SDF4: variants seen among roughly 807,000 people sequenced by gnomAD.
The protein encoded by SDF4 is stromal cell derived factor 4, also known as 45 kDa calcium-binding protein.
Under a neutral mutation model 34.2 loss-of-function variants are expected in SDF4, and 22 were observed. The observed-to-expected ratio is 0.64, with a 90% CI of 0.46 to 0.92. SDF4 has a LOEUF of 0.92. SDF4 is among the 40% of genes least tolerant of loss of function. SDF4 has a pLI of 0.00. For synonymous variants in SDF4, 236 were observed against 203.1 expected, an observed-to-expected ratio of 1.16 and a Z score of -1.38; for missense variants, 447 against 499.9, an observed-to-expected ratio of 0.89 and a Z score of 1.01.
At chr1:1,219,619 C>G (rs1649793231) in intron 4 of SDF4, 2 of 986,802 alleles carry the variant, frequency 2.0e-6, no homozygotes, top group Non-Finnish European at 2.4e-6. Flanking sequence ...GGCACTGCCT[C>G]TGGGTGTGTG....
At position 1,223,832 on chromosome 1, in the gene SDF4, C is replaced by T. The variant is rs150155107; in HGVS notation, c.442G>A (p.Gly148Ser). ...HFRAVDPDGD[G>S]HVSWDEYKVK... ...ACCCACCCCGGCCCAGCCACAGTAC[C>T]GTCCCCGTCAGGGTCCACGGCGCGG... is the stretch of plus-strand genomic sequence containing the variant. The change falls in exon 3 of 7, where the codon GGT becomes AGT. Residue 148 changes from glycine to serine, a missense_variant and splice_region_variant. Gly to Ser is a moderately conservative substitution (Grantham distance 56). Transcript: ENST00000360001. 1.0e-5 allele frequency: 15 copies of T among 1,465,960 alleles called. No individual in the cohort carries two copies. Among genetic ancestry groups the T allele is most frequent in the African/African-American group, 7.1e-5 (5 of 70,344 alleles). The allele number at this position is 1,465,960 out of a possible 1,614,324, so 90.8% of individuals were successfully genotyped here.
At position 1,218,591 on chromosome 1, in the gene SDF4, G is replaced by A; in HGVS notation, c.758C>T (p.Ser253Phe). ...DKQLSVPEFISLPVGTVENQQ... is the reference protein window; with the variant it reads ...DKQLSVPEFIFLPVGTVENQQ... ...GTTCTCCACGGTGCCCACGGGCAGG[G>A]AGATGAACTCGGGCACAGAGAGCTG... The change falls in exon 6 of 7, where the codon TCC (serine) becomes TTC (phenylalanine). Residue 253 changes from serine (S) to phenylalanine (F), a missense_variant. Coordinates refer to ENST00000360001, the MANE Select transcript of SDF4 (RefSeq NM_016176.6). The surrounding 1 kb of genome is among the most constrained non-coding windows in gnomAD (Gnocchi z 7.9). 1.2e-6 allele frequency: 2 copies of A among 1,614,096 alleles called. No individual in the cohort carries two copies. Among genetic ancestry groups the A allele is most frequent in the Non-Finnish European group, 1.7e-6 (2 of 1,179,952 alleles).
At chr1:1,228,969 C>G (rs1284700666) in intron 1 of SDF4, 23 bp from the exon 2 acceptor site, 11 of 593,718 alleles carry the variant, frequency 1.9e-5, no homozygotes, top group Admixed American at 9.0e-5. Context: ...ACAGACACAT[C>G]ATTAGCAAGA....
chr1:1,218,376 G>A lies in SDF4; in HGVS notation c.891+82C>T, dbSNP rs1027747980. The A allele has an allele frequency of 8.9e-5, 129 of 1,455,802 alleles. No individual in the cohort carries two copies. The highest frequency in any genetic ancestry group is 1.1e-4 in the Non-Finnish European group (122 of 1,076,318). The allele number at this position is 1,455,802 out of a possible 1,614,324, so 90.2% of individuals were successfully genotyped here. A position where few individuals can be genotyped will look rare whatever the true frequency, so the allele number is the denominator to read the frequency against. ...AGGCCAGACACCAGCACAGCTTCCTGCCTCAGGCCCAGATCCACCAGCCCC... is the reference window on the plus strand; with the variant it reads ...AGGCCAGACACCAGCACAGCTTCCTACCTCAGGCCCAGATCCACCAGCCCC... On this transcript the variant is annotated intron_variant, in intron 6 of 6. Transcript: ENST00000360001. This position sits in a 1 kb window ranked among gnomAD's most constrained non-coding sequence, Gnocchi z 7.9.
chr1:1,218,546 T>C lies in SDF4; in HGVS notation c.803A>G (p.Asp268Gly), dbSNP rs1464583243. 8 of 1,614,032 alleles carry C rather than the reference T, an allele frequency of 5.0e-6. No individual in the cohort carries two copies. The highest frequency in any genetic ancestry group is 1.3e-5 in the African/African-American group (1 of 75,032). Residue 268 changes from aspartate (D) to glycine (G), a missense_variant, in exon 6 of 7, where the codon GAC becomes GGC. By Grantham distance (94) the Asp-to-Gly change is moderately conservative. Coordinates refer to ENST00000360001, the MANE Select transcript of SDF4 (RefSeq NM_016176.6). The surrounding 1 kb of genome is among the most constrained non-coding windows in gnomAD (Gnocchi z 7.9). The stretch of plus-strand genomic sequence containing the variant: ...TTTTCTGTCTTTCACCCAGTTGTCG[T>C]CAATGTCCTGGCCCTGCTGGTTCTC... ...TVENQQGQDI[D>G]DNWVKDRKKE... is the part of the protein sequence containing the mutation.
Position 1,219,399 on chromosome 1 carries a change from T to G in SDF4, c.557-472A>C, listed in dbSNP as rs532987774. The G allele has an allele frequency of 6.6e-4, 680 of 1,026,038 alleles. 5 individuals are homozygous for G. The African/African-American group carries it at 0.011, about 17-fold the overall frequency. 63.6% of individuals were successfully genotyped at this position (1,026,038 alleles called of 1,614,324 possible). ...TGCCTGGGACCCCTCAGGATGGGCC[T>G]GGGCCCCACCCCCCACACCCGCGCC... On this transcript the variant is annotated intron_variant, in intron 4 of 6. Transcript: ENST00000360001.
chr1:1,220,456 G>C (rs186565010), intron 4 of SDF4: 1 of 1,187,778 alleles, frequency 8.4e-7, no homozygotes, highest in South Asian at 1.6e-5. Flanking sequence ...CAGGAGTGAC[G>C]CCTGCCAGCG....
intron 2 of SDF4, 45 bp from the exon 3 acceptor site, chr1:1,224,013 A>C (rs1259791851): frequency 1.2e-6 from 2 of 1,602,036 alleles, no homozygotes; most frequent in Non-Finnish European, 1.7e-6. Context: ...CTGGGCCCCC[A>C]GGACCCCGAA....
intron 4 of SDF4, among the ~76,000 whole-genome samples, chr1:1,222,913 C>G (rs2100975363): frequency 6.6e-6 from 1 of 152,386 alleles, no homozygotes; most frequent in East Asian, 1.9e-4. Flanking sequence ...ACATGAACAG[C>G]TACCTGGATG....
chr1:1,219,267 C>T (rs1158553306), intron 4 of SDF4: 4 of 1,184,644 alleles, frequency 3.4e-6, no homozygotes, highest in Non-Finnish European at 3.2e-6. Context: ...ACAGCCCAGA[C>T]CCCCAGGACA....
Position 1,228,467 on chromosome 1 carries a change from C to T in SDF4, c.305+1G>A. 2 of 1,599,576 alleles carry T rather than the reference C, an allele frequency of 1.3e-6. No homozygotes were observed. The highest frequency in any genetic ancestry group is 8.5e-7 in the Non-Finnish European group (1 of 1,171,348). On this transcript the variant is annotated splice_donor_variant, in intron 2 of 6. Coordinates refer to ENST00000360001, the MANE Select transcript of SDF4 (RefSeq NM_016176.6). LOFTEE classifies it high-confidence loss of function. The stretch of plus-strand genomic sequence containing the variant: ...CAGTCTGGGCACATGGCGGCACCTA[C>T]TTGGAAAAGATGACCATCAGCTTCC...
rs199546495 is a variant in SDF4, at chr1:1,218,781, C to T, written c.703G>A (p.Val235Ile). The T allele has an allele frequency of 4.4e-5, 71 of 1,612,188 alleles. No individual in the cohort carries two copies. Among genetic ancestry groups the T allele is most frequent in the South Asian group, 2.4e-4 (22 of 91,036 alleles). Reference protein sequence around the residue: ...GMLRFMVKEIVRDLDQDGDKQ... With the variant: ...GMLRFMVKEIIRDLDQDGDKQ... ...GACCCAGCCTCACCCAGGTCCCGGA[C>T]GATCTCCTTCACCATGAACCTGAGC... Residue 235 changes from valine (V) to isoleucine (I), a missense_variant, in exon 5 of 7, where the codon GTC becomes ATC. By Grantham distance (29) the Val-to-Ile change is conservative. Coordinates refer to ENST00000360001, the MANE Select transcript of SDF4 (RefSeq NM_016176.6). The surrounding 1 kb of genome is among the most constrained non-coding windows in gnomAD (Gnocchi z 7.9).
At position 1,218,588 on chromosome 1, in the gene SDF4, A is replaced by T; in HGVS notation, c.761T>A (p.Leu254Gln). ...CTGGTTCTCCACGGTGCCCACGGGCAGGGAGATGAACTCGGGCACAGAGAG... is the reference window on the plus strand; with the variant it reads ...CTGGTTCTCCACGGTGCCCACGGGCTGGGAGATGAACTCGGGCACAGAGAG... ...KQLSVPEFIS[L>Q]PVGTVENQQG... is the part of the protein sequence containing the mutation. The change falls in exon 6 of 7, where the codon CTG (leucine) becomes CAG (glutamine). Residue 254 changes from leucine to glutamine, a missense_variant. Coordinates refer to ENST00000360001, the MANE Select transcript of SDF4 (RefSeq NM_016176.6). This position sits in a 1 kb window ranked among gnomAD's most constrained non-coding sequence, Gnocchi z 7.9. The T allele has an allele frequency of 2.5e-6, 4 of 1,614,084 alleles. No individual in the cohort carries two copies. In the South Asian group the frequency reaches 4.4e-5, roughly 18 times the overall value.
At chr1:1,222,039 G>GT (rs1397363686) in intron 4 of SDF4, among the ~76,000 whole-genome samples, 2 of 152,248 alleles carry the variant, frequency 1.3e-5, no homozygotes, top group Admixed American at 6.5e-5. Flanking sequence ...AAATAAAGGT[G>GT]TAAGATACAC....
At position 1,218,508 on chromosome 1, in the gene SDF4, C is replaced by T. The variant is rs1649675606; in HGVS notation, c.841G>A (p.Glu281Lys). ...WVKDRKKEFE[E>K]LIDSNHDGIV... Reference sequence around the variant, plus strand: ...CCGTCGTGGTTGGAGTCAATGAGCTCCTCAAACTCCTTTTTTCTGTCTTTC... The same window carrying T: ...CCGTCGTGGTTGGAGTCAATGAGCTTCTCAAACTCCTTTTTTCTGTCTTTC... Residue 281 changes from glutamate (E) to lysine (K), a missense_variant, in exon 6 of 7, where the codon GAG becomes AAG. Glu to Lys is a moderately conservative substitution (Grantham distance 56). Transcript: ENST00000360001. This position sits in a 1 kb window ranked among gnomAD's most constrained non-coding sequence, Gnocchi z 7.9. 6.2e-7 allele frequency: 1 copy of T among 1,613,896 alleles called. No homozygotes were observed. The highest frequency in any genetic ancestry group is 8.5e-7 in the Non-Finnish European group (1 of 1,179,926).
chr1:1,223,961 C>G lies in SDF4; in HGVS notation c.313G>C (p.Val105Leu), dbSNP rs1461851284. ...KLMVIFSKVD[V>L]NTDRKISAKE... The stretch of plus-strand genomic sequence containing the variant: ...GCACTGATCTTCCGGTCAGTGTTCA[C>G]ATCCACCCTGCAAGACAGCAAATGG... The change falls in exon 3 of 7, where the codon GTG (valine) becomes CTG (leucine). Residue 105 changes from valine to leucine, a missense_variant. By Grantham distance (32) the Val-to-Leu change is conservative (BLOSUM62 1). Coordinates refer to ENST00000360001, the MANE Select transcript of SDF4 (RefSeq NM_016176.6). The G allele has an allele frequency of 6.2e-7, 1 of 1,610,872 alleles. No homozygotes were observed. Among genetic ancestry groups the G allele is most frequent in the South Asian group, 1.1e-5 (1 of 91,084 alleles).
At chr1:1,226,155 C>T (rs1340239273) in intron 2 of SDF4, among the ~76,000 whole-genome samples, 3 of 152,248 alleles carry the variant, frequency 2.0e-5, no homozygotes, top group Non-Finnish European at 4.4e-5. Flanking sequence ...CCTGGAAAGG[C>T]GGCAGCTATT....
intron 4 of SDF4, chr1:1,220,568 G>A: frequency 2.3e-6 from 3 of 1,280,506 alleles, no homozygotes; most frequent in Non-Finnish European, 3.1e-6. Flanking sequence ...AGGTCGGGGA[G>A]GCCAAGACGG....
rs150151504 is a variant in SDF4, at chr1:1,227,980, G to A, written c.305+488C>T. 4.0e-3 allele frequency among the ~76,000 whole-genome samples: 609 copies of A among 152,284 alleles called. 2 individuals carry two copies. The highest frequency in any genetic ancestry group is 6.9e-3 in the African/African-American group (285 of 41,544). On this transcript the variant is annotated intron_variant, in intron 2 of 6. Transcript: ENST00000360001. ...CACCCCCAGCCTGCGTGTGATACGC[G>A]GCCCGTGTGTGACAGGGACCCCAAA...
Sources: allele counts gnomAD v4.1 joint callset (sites outside exome capture counted in the v4.1 genomes callset), GRCh38; gene constraint gnomAD v4.1.1; non-coding constraint Gnocchi (gnomAD v3.1); transcripts MANE v1.5; gene names NCBI Gene and HGNC (gene_info 2026-07-23, HGNC 2026-07-21).